LINGO2: variants seen among roughly 807,000 people sequenced by gnomAD.
The protein encoded by LINGO2 is leucine-rich repeat and immunoglobulin-like domain-containing nogo receptor-interacting protein 2.
LINGO2 carries 14 observed loss-of-function variants against 30.6 expected under a neutral mutation model. That is an observed-to-expected ratio of 0.46 (90% confidence interval 0.30 to 0.72). The LOEUF (loss-of-function observed/expected upper bound fraction) is 0.72, where lower values mean the gene tolerates loss of function less well. Ranked by LOEUF, LINGO2 falls within the 30% of genes least tolerant of loss-of-function variation. The probability of loss-of-function intolerance (pLI) is 0.07; values close to 1 mark genes in which losing one functional copy is unlikely to be tolerated. For synonymous variants in LINGO2, 317 were observed against 288.5 expected, an observed-to-expected ratio of 1.10 and a Z score of -1.00; for missense variants, 729 against 751.7, an observed-to-expected ratio of 0.97 and a Z score of 0.35.
chr9:28,292,863 C>T (rs996640702), intron 4 of LINGO2, among the ~76,000 whole-genome samples: 3 of 151,452 alleles, frequency 2.0e-5, no homozygotes, highest in Non-Finnish European at 4.4e-5. Context: ...CTCTGCCTCC[C>T]GGGTTCATGC....
chr9:28,875,507 G>A, the LINGO2 span, among the ~76,000 whole-genome samples: 6 of 152,032 alleles, frequency 3.9e-5, no homozygotes, highest in Non-Finnish European at 7.4e-5. Flanking sequence ...TGTCTCAAGA[G>A]TATCCTTTAT....
chr9:28,596,378 TAAATA>T (rs1278511010), intron 1 of LINGO2, among the ~76,000 whole-genome samples: 3 of 152,162 alleles, frequency 2.0e-5, no homozygotes, highest in African/African-American at 7.2e-5. Flanking sequence ...TTTATAACTG[TAAATA>T]AAATAAGTGT....
chr9:28,780,907 T>G, the LINGO2 span, among the ~76,000 whole-genome samples: 2 of 150,728 alleles, frequency 1.3e-5, no homozygotes, highest in Non-Finnish European at 2.9e-5. Flanking sequence ...TGAGACCAGA[T>G]TGGATAGTGA....
At chr9:28,841,097 C>T in the LINGO2 span, among the ~76,000 whole-genome samples, 6 of 151,810 alleles carry the variant, frequency 4.0e-5, no homozygotes, top group East Asian at 1.9e-4. Flanking sequence ...CAAATGTTTA[C>T]GCTTTCAAGG....
At chr9:28,375,174 A>G (rs1340511827) in intron 2 of LINGO2, among the ~76,000 whole-genome samples, 1 of 151,656 alleles carries the variant, frequency 6.6e-6, no homozygotes, top group East Asian at 1.9e-4. Context: ...CTTTGGCAGC[A>G]TCCATCTGCT....
intron 3 of LINGO2, among the ~76,000 whole-genome samples, chr9:28,322,297 T>G (rs541970341): frequency 2.0e-5 from 3 of 152,260 alleles, no homozygotes; most frequent in South Asian, 4.1e-4. Flanking sequence ...AAGCTAAAAT[T>G]AATCAATGAC....
At chr9:28,183,813 G>C (rs1819444761) in intron 4 of LINGO2, among the ~76,000 whole-genome samples, 1 of 152,192 alleles carries the variant, frequency 6.6e-6, no homozygotes, top group Non-Finnish European at 1.5e-5. Context: ...GAAGGCCATA[G>C]CTAAGGCCCA....
the LINGO2 span, among the ~76,000 whole-genome samples, chr9:28,859,419 A>G: frequency 6.6e-6 from 1 of 152,108 alleles, no homozygotes; most frequent in Non-Finnish European, 1.5e-5. Context: ...GAGTAATTCA[A>G]TTGAAGTACT....
chr9:29,014,897 T>C, the LINGO2 span, among the ~76,000 whole-genome samples: 1 of 152,178 alleles, frequency 6.6e-6, no homozygotes, highest in Non-Finnish European at 1.5e-5. Flanking sequence ...GAGTCAACAA[T>C]CTTTCTGACA....
At chr9:28,634,093 A>T (rs1366392159) in intron 1 of LINGO2, among the ~76,000 whole-genome samples, 1 of 152,186 alleles carries the variant, frequency 6.6e-6, no homozygotes, top group East Asian at 1.9e-4. Flanking sequence ...TTATTCTCTA[A>T]ATAAAAGCAA....
At chr9:28,131,063 T>A (rs1343682474) in intron 4 of LINGO2, among the ~76,000 whole-genome samples, 1 of 152,012 alleles carries the variant, frequency 6.6e-6, no homozygotes, top group Non-Finnish European at 1.5e-5. Context: ...CTCCTCATAA[T>A]GAAGGTTTTT....
intron 4 of LINGO2, among the ~76,000 whole-genome samples, chr9:28,208,358 T>G (rs1054658815): frequency 1.3e-5 from 2 of 152,138 alleles, no homozygotes; most frequent in Non-Finnish European, 2.9e-5. Context: ...GTTAAATCTA[T>G]TCAAAGCATT....
chr9:27,951,665 G>A (rs1819319171), intron 5 of LINGO2, among the ~76,000 whole-genome samples: 1 of 152,046 alleles, frequency 6.6e-6, no homozygotes, highest in Non-Finnish European at 1.5e-5. Context: ...AATAAAAGGT[G>A]TATTACTGAG....
chr9:28,737,477 G>A, the LINGO2 span, among the ~76,000 whole-genome samples: 145,886 of 152,292 alleles, frequency 0.96, 70,123 homozygotes, highest in Non-Finnish European at 1. Flanking sequence ...ATTTACTGAT[G>A]CAGTTAACTT....
At chr9:28,597,535 A>G (rs537449911) in intron 1 of LINGO2, among the ~76,000 whole-genome samples, 2 of 152,302 alleles carry the variant, frequency 1.3e-5, no homozygotes, top group East Asian at 3.9e-4. Flanking sequence ...CACTAGTAAC[A>G]GTATTTTAAA....
chr9:28,993,525 C>T, the LINGO2 span, among the ~76,000 whole-genome samples: 21 of 151,858 alleles, frequency 1.4e-4, no homozygotes, highest in Non-Finnish European at 5.9e-5. Flanking sequence ...ATGAGGCCAG[C>T]ATCATCCTGA....
chr9:28,820,841 T>G, the LINGO2 span, among the ~76,000 whole-genome samples: 4 of 152,112 alleles, frequency 2.6e-5, no homozygotes, highest in East Asian at 7.7e-4. Flanking sequence ...GCTTCGAAAA[T>G]AGCAGCAGTC....
At chr9:28,939,193 T>TACTTAAGGCC in the LINGO2 span, among the ~76,000 whole-genome samples, 1 of 152,034 alleles carries the variant, frequency 6.6e-6, no homozygotes, top group African/African-American at 2.4e-5. Flanking sequence ...TACTTAAGGC[T>TACTTAAGGCC]ACTTAAGAGT....
intron 3 of LINGO2, among the ~76,000 whole-genome samples, chr9:28,320,543 TCAAA>T (rs1444406611): frequency 1.3e-5 from 2 of 152,106 alleles, no homozygotes; most frequent in South Asian, 2.1e-4. Context: ...TATGAATTGG[TCAAA>T]CAAACAGGTA....
Sources: allele counts gnomAD v4.1 joint callset (sites outside exome capture counted in the v4.1 genomes callset), GRCh38; gene constraint gnomAD v4.1.1; transcripts MANE v1.5; gene names NCBI Gene and HGNC (gene_info 2026-07-23, HGNC 2026-07-21).